BNC2: variants seen among roughly 807,000 people sequenced by gnomAD.
BNC2 encodes the protein zinc finger protein basonuclin-2.
A neutral mutation model predicts 76.3 loss-of-function variants in BNC2; 20 were observed. That is an observed-to-expected ratio of 0.26 (90% CI 0.18 to 0.38). BNC2 has a LOEUF of 0.38. Among genes scored for constraint, BNC2 ranks in the 10% least tolerant of loss-of-function variants. BNC2 has a pLI of 1.00. For synonymous variants in BNC2, 582 were observed against 514.8 expected, an observed-to-expected ratio of 1.13 and a Z score of -1.77; for missense variants, 1,382 against 1,399.8, an observed-to-expected ratio of 0.99 and a Z score of 0.20.
chr9:16,704,899 G>A (rs1823620853), intron 3 of BNC2: 1 of 152,478 alleles, frequency 6.6e-6, no homozygotes, highest in Non-Finnish European at 1.5e-5. Flanking sequence ...GTTTACACAA[G>A]AAGGCAGCTC....
chr9:16,684,979 G>A (rs574687035), intron 3 of BNC2, among the ~76,000 whole-genome samples: 1 of 152,078 alleles, frequency 6.6e-6, no homozygotes, highest in Non-Finnish European at 1.5e-5. Context: ...GAAGACAGAA[G>A]ATATTTCATT....
chr9:16,843,686 T>TG (rs1818890985), intron 1 of BNC2, among the ~76,000 whole-genome samples: 1 of 152,228 alleles, frequency 6.6e-6, no homozygotes, highest in Non-Finnish European at 1.5e-5. Context: ...ACCAAGTAAA[T>TG]GGGTTTTAGT....
intron 5 of BNC2, among the ~76,000 whole-genome samples, chr9:16,442,181 A>AT (rs1315541891): frequency 1.3e-5 from 2 of 152,236 alleles, no homozygotes; most frequent in Non-Finnish European, 2.9e-5. Flanking sequence ...AGTTATTATC[A>AT]TAAGTGTTGA....
chr9:16,665,434 AAAAGAAAGAAAG>A (rs56038950), intron 3 of BNC2, among the ~76,000 whole-genome samples: 1,532 of 116,008 alleles, frequency 0.013, 25 homozygotes, highest in Admixed American at 0.021. Flanking sequence ...GAAAGGAAAG[AAAAGAAAGAAAG>A]AAAGAAAGAA....
intron 1 of BNC2, among the ~76,000 whole-genome samples, chr9:16,858,402 G>A (rs1034479580): frequency 2.0e-5 from 3 of 152,170 alleles, no homozygotes; most frequent in Non-Finnish European, 4.4e-5. Context: ...TTGTCCCCTG[G>A]AGTACTACCA....
At chr9:16,614,958 T>TAAAAAAAAAAAAAAAAA (rs60545823) in intron 3 of BNC2, among the ~76,000 whole-genome samples, 2 of 62,526 alleles carry the variant, frequency 3.2e-5, no homozygotes, top group Non-Finnish European at 6.0e-5. Context: ...TCTGTCTCTT[T>TAAAAAAAAAAAAAAAAA]AAAAAAAAAA....
At position 16,819,808 on chromosome 9, in the gene BNC2, T is replaced by C. The variant is rs886104658; in HGVS notation, c.3+50838A>G. Among the ~76,000 whole-genome samples the C allele has an allele frequency of 4.1e-5, 5 of 122,110 alleles. No homozygotes were observed. The East Asian group carries it at 9.7e-4, about 24-fold the overall frequency. 80.1% of individuals were successfully genotyped at this position (122,110 alleles called of 152,430 possible). ...ATTTAATTTCCACAACTCTGTGAGA[T>C]ATGTATTTTTTTTTTATCTCTAAAA... On this transcript the variant is annotated intron_variant, in intron 1 of 6. Coordinates refer to ENST00000380672, the MANE Select transcript of BNC2 (RefSeq NM_017637.6).
At chr9:16,533,593 T>C (rs976525166) in intron 5 of BNC2, among the ~76,000 whole-genome samples, 2 of 152,196 alleles carry the variant, frequency 1.3e-5, no homozygotes, top group African/African-American at 4.8e-5. Flanking sequence ...CAAATATTCA[T>C]ATTTTTAAAA....
intron 6 of BNC2, among the ~76,000 whole-genome samples, chr9:16,428,315 T>G (rs1820839302): frequency 6.6e-6 from 1 of 152,090 alleles, no homozygotes; most frequent in South Asian, 2.1e-4. Context: ...TTAGAGCGGC[T>G]CCCCTCCACT....
At chr9:16,685,347 T>A (rs1002486638) in intron 3 of BNC2, among the ~76,000 whole-genome samples, 1 of 152,244 alleles carries the variant, frequency 6.6e-6, no homozygotes, top group African/African-American at 2.4e-5. Flanking sequence ...ATGTCTTGAC[T>A]GAACAGACAA....
At chr9:16,783,572 A>C (rs1826207858) in intron 1 of BNC2, among the ~76,000 whole-genome samples, 1 of 152,240 alleles carries the variant, frequency 6.6e-6, no homozygotes, top group Non-Finnish European at 1.5e-5. Context: ...TATTTAGGAC[A>C]GTTTTAATAT....
intron 5 of BNC2, among the ~76,000 whole-genome samples, chr9:16,461,272 TAAGAAC>T (rs1464407657): frequency 6.6e-6 from 1 of 152,164 alleles, no homozygotes; most frequent in Non-Finnish European, 1.5e-5. Flanking sequence ...GCTGTGTGTG[TAAGAAC>T]AAGAATGTGC....
chr9:16,831,019 A>G (rs970800105), intron 1 of BNC2, among the ~76,000 whole-genome samples: 5 of 152,212 alleles, frequency 3.3e-5, no homozygotes, highest in African/African-American at 1.2e-4. Flanking sequence ...CATCCTCTCA[A>G]CGAAAACGTC....
At chr9:16,462,796 C>A (rs181440590) in intron 5 of BNC2, among the ~76,000 whole-genome samples, 2 of 152,236 alleles carry the variant, frequency 1.3e-5, no homozygotes, top group African/African-American at 4.8e-5. Context: ...GATGCCCCTC[C>A]CTCTTTCTGT....
intron 1 of BNC2, among the ~76,000 whole-genome samples, chr9:16,757,329 T>C (rs1229391564): frequency 2.0e-5 from 3 of 152,182 alleles, no homozygotes; most frequent in African/African-American, 4.8e-5. Flanking sequence ...ATTTTCTAAC[T>C]AAATAGGAAA....
chr9:16,785,939 T>G (rs1826281556), intron 1 of BNC2, among the ~76,000 whole-genome samples: 1 of 152,056 alleles, frequency 6.6e-6, no homozygotes, highest in African/African-American at 2.4e-5. Flanking sequence ...TGTGCACCTA[T>G]TTAGAAGAAC....
At chr9:16,756,487 C>A (rs190060590) in intron 1 of BNC2, among the ~76,000 whole-genome samples, 1 of 152,222 alleles carries the variant, frequency 6.6e-6, no homozygotes, top group Non-Finnish European at 1.5e-5. Flanking sequence ...ACCTTTTTCT[C>A]CCTTCCAATA....
rs1587001599 is a variant in BNC2, at chr9:16,414,792, T to A, written c.*4197A>T. The stretch of plus-strand genomic sequence containing the variant: ...TCAACGGCCCTCATTCTCATTTGCT[T>A]GGCACATATCTGGGGTGTGTACAGA... On this transcript the variant is annotated 3_prime_UTR_variant, in exon 7 of 7. Transcript: ENST00000380672. 1.3e-5 allele frequency: 2 copies of A among 152,280 alleles called. No individual in the cohort carries two copies. Among genetic ancestry groups the A allele is most frequent in the South Asian group, 4.2e-4 (2 of 4,818 alleles). 9.4% of individuals were successfully genotyped at this position (152,280 alleles called of 1,614,324 possible). A position where few individuals can be genotyped will look rare whatever the true frequency, so the allele number is the denominator to read the frequency against.
chr9:16,711,982 T>A lies in BNC2; in HGVS notation c.330+15815A>T, dbSNP rs186491237. On this transcript the variant is annotated intron_variant, in intron 3 of 6. Coordinates refer to ENST00000380672, the MANE Select transcript of BNC2 (RefSeq NM_017637.6). ...TGTGGCAAATCATTTAGGAAAGTAA[T>A]TAGTACAAAATACATGGATAAGTGA... Among the ~76,000 whole-genome samples, 291 of 152,338 alleles carry A rather than the reference T, an allele frequency of 1.9e-3. 1 individual carries two copies. In the Middle Eastern group the frequency reaches 0.034, roughly 18 times the overall value.
Sources: gnomAD v4.1 joint callset for allele counts (sites outside exome capture counted in the v4.1 genomes callset) on GRCh38, gnomAD v4.1.1 for gene constraint, MANE v1.5 for transcripts, NCBI Gene and HGNC (gene_info 2026-07-23, HGNC 2026-07-21) for gene names.